Variants in UBE2E2 observed in about 807,000 individuals in gnomAD.
UBE2E2 encodes the protein ubiquitin conjugating enzyme E2 E2, also known as ubiquitin-conjugating enzyme E2 E2.
Under a neutral mutation model 24.7 loss-of-function variants are expected in UBE2E2, and 6 were observed. That is an observed-to-expected ratio of 0.24 (90% CI 0.13 to 0.48). The LOEUF (loss-of-function observed/expected upper bound fraction) is 0.48. Among genes scored for constraint, UBE2E2 ranks in the 20% least tolerant of loss-of-function variants. The pLI is 0.99. For synonymous variants in UBE2E2, 104 were observed against 83.6 expected (o/e 1.24, Z -1.33); for missense variants, 169 against 245.0 (o/e 0.69, Z 2.07).
intron 3 of UBE2E2, among the ~76,000 whole-genome samples, chr3:23,345,348 TGAA>T (rs1283612217): frequency 2.0e-5 from 3 of 152,236 alleles, no homozygotes; most frequent in Non-Finnish European, 4.4e-5. Context: ...GACAGGTTAA[TGAA>T]GACAATATTT....
intron 3 of UBE2E2, among the ~76,000 whole-genome samples, chr3:23,351,993 C>A (rs920549441): frequency 8.5e-5 from 13 of 152,110 alleles, no homozygotes; most frequent in African/African-American, 2.9e-4. Flanking sequence ...GTAAAGCTCT[C>A]CTCAGCAAAT....
intron 5 of UBE2E2, among the ~76,000 whole-genome samples, chr3:23,560,493 T>C (rs1236344729): frequency 6.6e-6 from 1 of 152,096 alleles, no homozygotes; most frequent in Admixed American, 6.5e-5. Context: ...TGGTTCCAAG[T>C]CTTTGCTGTT....
chr3:23,259,882 G>C (rs13067514), intron 3 of UBE2E2, among the ~76,000 whole-genome samples: 11,282 of 152,154 alleles, frequency 0.074, 542 homozygotes, highest in Non-Finnish European at 0.092. Context: ...TAAGAGGTGT[G>C]GATGGAAACA....
Position 23,292,065 on chromosome 3 carries a change from A to G in UBE2E2, c.227+74753A>G, listed in dbSNP as rs1315673910. 4.6e-5 allele frequency among the ~76,000 whole-genome samples: 7 copies of G among 151,942 alleles called. No individual in the cohort carries two copies. In the East Asian group the frequency reaches 1.4e-3, roughly 30 times the overall value. On this transcript the variant is annotated intron_variant, in intron 3 of 5. Transcript: ENST00000396703. The stretch of plus-strand genomic sequence containing the variant: ...AGTAGAGACGGGGTTTCACCGTGTT[A>G]ACCAGGATGGTCTTGATCTCCTGAC...
intron 3 of UBE2E2, among the ~76,000 whole-genome samples, chr3:23,359,396 G>C (rs1239287476): frequency 6.6e-6 from 1 of 152,196 alleles, no homozygotes; most frequent in African/African-American, 2.4e-5. Context: ...CCTCAGGCCA[G>C]ATATGAATGG....
intron 3 of UBE2E2, among the ~76,000 whole-genome samples, chr3:23,464,444 A>G (rs1415453023): frequency 1.2e-4 from 19 of 152,134 alleles, no homozygotes; most frequent in Admixed American, 1.2e-3. Flanking sequence ...ATTTATTTTT[A>G]GGACCTTCCA....
chr3:23,227,988 A>T (rs1300013933), intron 3 of UBE2E2, among the ~76,000 whole-genome samples: 2 of 152,214 alleles, frequency 1.3e-5, no homozygotes, highest in African/African-American at 4.8e-5. Flanking sequence ...GGGCTTTAAA[A>T]GGCTGGCTGC....
chr3:23,492,513 A>C (rs1378123130), intron 3 of UBE2E2, among the ~76,000 whole-genome samples: 1 of 152,206 alleles, frequency 6.6e-6, no homozygotes, highest in African/African-American at 2.4e-5. Context: ...GCAGACAGCA[A>C]TTCTCACTTG....
In UBE2E2 at chr3:23,313,164, A is replaced by G. The variant is rs187238816; in HGVS notation, c.227+95852A>G. 5.7e-4 allele frequency among the ~76,000 whole-genome samples: 87 copies of G among 151,942 alleles called. 3 individuals are homozygous for G. The East Asian group carries it at 0.016, about 27-fold the overall frequency. On this transcript the variant is annotated intron_variant, in intron 3 of 5. Transcript: ENST00000396703. ...ATTTCTTTGTTGATTTTCTGTCTGG[A>G]TGATCTGTTATATCATCTTGCTAAT... is the stretch of plus-strand genomic sequence containing the variant.
At chr3:23,541,844 G>A (rs550519373) in intron 5 of UBE2E2, among the ~76,000 whole-genome samples, 18 of 152,276 alleles carry the variant, frequency 1.2e-4, no homozygotes, top group African/African-American at 4.3e-4. Context: ...ACCTTTTGAC[G>A]TGACTCTTTA....
intron 2 of UBE2E2, among the ~76,000 whole-genome samples, 157 bp from the exon 3 acceptor site, chr3:23,217,105 C>G (rs957742618): frequency 3.3e-5 from 5 of 152,098 alleles, no homozygotes; most frequent in Non-Finnish European, 5.9e-5. Flanking sequence ...GCAGAAATTG[C>G]AACTTTATTG....
intron 3 of UBE2E2, among the ~76,000 whole-genome samples, chr3:23,453,004 T>C (rs1698599378): frequency 6.6e-6 from 1 of 152,204 alleles, no homozygotes; most frequent in Non-Finnish European, 1.5e-5. Flanking sequence ...CTGCTTAGAC[T>C]CTATGTCCCA....
chr3:23,270,180 C>A (rs938013032), intron 3 of UBE2E2, among the ~76,000 whole-genome samples: 11 of 137,984 alleles, frequency 8.0e-5, no homozygotes, highest in African/African-American at 3.0e-4. Flanking sequence ...TTTTGCCTCT[C>A]CAGTGGATGA....
chr3:23,510,474 G>A (rs1290517810), intron 4 of UBE2E2, among the ~76,000 whole-genome samples: 2 of 152,096 alleles, frequency 1.3e-5, no homozygotes, highest in Middle Eastern at 3.2e-3. Flanking sequence ...AGGCTTGGTG[G>A]CACACGCCCG....
chr3:23,338,358 G>A lies in UBE2E2; in HGVS notation c.227+121046G>A, dbSNP rs527741960. ...AAAAGAGCTAGAAATAAGGTAAAGG[G>A]GAATCTATAATGAACCTTGGATTAG... is the stretch of plus-strand genomic sequence containing the variant. On this transcript the variant is annotated intron_variant, in intron 3 of 5. Coordinates refer to ENST00000396703, the MANE Select transcript of UBE2E2 (RefSeq NM_152653.4). 1.8e-4 allele frequency among the ~76,000 whole-genome samples: 27 copies of A among 152,120 alleles called. No individual in the cohort carries two copies. In the Middle Eastern group the frequency reaches 0.014, roughly 77 times the overall value.
At chr3:23,301,136 A>C (rs1699071068) in intron 3 of UBE2E2, among the ~76,000 whole-genome samples, 1 of 152,084 alleles carries the variant, frequency 6.6e-6, no homozygotes, top group South Asian at 2.1e-4. Context: ...CAGCTCCATC[A>C]GGTCCTTTAA....
intron 4 of UBE2E2, among the ~76,000 whole-genome samples, chr3:23,517,220 T>C (rs2125471427): frequency 6.6e-6 from 1 of 152,278 alleles, no homozygotes; most frequent in South Asian, 2.1e-4. Flanking sequence ...GGAATTTCTA[T>C]GAGTTTTATT....
At chr3:23,291,902 A>AGGC (rs1698777304) in intron 3 of UBE2E2, among the ~76,000 whole-genome samples, 1 of 119,184 alleles carries the variant, frequency 8.4e-6, no homozygotes. Flanking sequence ...TCTTTGGCCC[A>AGGC]GGCCAGAGTG....
chr3:23,589,715 A>C lies in UBE2E2; in HGVS notation c.509-19A>C. On this transcript the variant is annotated intron_variant, in intron 5 of 5. Transcript: ENST00000396703. This position sits in a 1 kb window ranked among gnomAD's most constrained non-coding sequence, Gnocchi z 4.1. ...ACAGTGCTGGTATTTACTGACTCCC[A>C]ACTCTGCTTTCCTTGCAGCTGACCC... The C allele has an allele frequency of 6.2e-7, 1 of 1,613,340 alleles. No homozygotes were observed.
Sources: gnomAD v4.1 joint callset for allele counts (sites outside exome capture counted in the v4.1 genomes callset) on GRCh38, gnomAD v4.1.1 for gene constraint, Gnocchi (gnomAD v3.1) non-coding constraint, MANE v1.5 for transcripts, NCBI Gene and HGNC (gene_info 2026-07-23, HGNC 2026-07-21) for gene names.